Variants in VGLL3 observed in about 807,000 individuals in gnomAD.
VGLL3 encodes transcription cofactor vestigial-like protein 3.
A neutral mutation model predicts 29.2 loss-of-function variants in VGLL3; 18 were observed. That is an observed-to-expected ratio of 0.62 (90% CI 0.43 to 0.91). The LOEUF (loss-of-function observed/expected upper bound fraction) is 0.91, where lower values mean the gene tolerates loss of function less well. Among genes scored for constraint, VGLL3 ranks in the 40% least tolerant of loss-of-function variants. The pLI, the probability that VGLL3 is intolerant of heterozygous loss-of-function variation, is 0.00. For synonymous variants in VGLL3, 180 were observed against 151.8 expected, an observed-to-expected ratio of 1.19 and a Z score of -1.36; for missense variants, 440 against 413.2, an observed-to-expected ratio of 1.06 and a Z score of -0.56.
intron 3 of VGLL3, among the ~76,000 whole-genome samples, chr3:86,955,927 C>T (rs1048958843): frequency 6.6e-6 from 1 of 152,154 alleles, no homozygotes; most frequent in African/African-American, 2.4e-5. Flanking sequence ...TAAAAAATAC[C>T]TAGCATATTT....
intron 2 of VGLL3, among the ~76,000 whole-genome samples, chr3:86,969,968 G>A (rs1330766864): frequency 1.3e-5 from 2 of 152,210 alleles, no homozygotes; most frequent in East Asian, 3.9e-4. Context: ...AATGGCCAAT[G>A]GCTGGGCCTC....
Position 86,990,764 on chromosome 3 carries a change from C to T in VGLL3, c.-21G>A. 2 of 1,291,080 alleles carry T rather than the reference C, an allele frequency of 1.5e-6. No individual in the cohort carries two copies. Among genetic ancestry groups the T allele is most frequent in the South Asian group, 3.2e-5 (1 of 31,716 alleles). The allele number at this position is 1,291,080 out of a possible 1,614,324, so 80.0% of individuals were successfully genotyped here. A position where few individuals can be genotyped will look rare whatever the true frequency, so the allele number is the denominator to read the frequency against. On this transcript the variant is annotated 5_prime_UTR_variant, in exon 1 of 4. Transcript: ENST00000398399. ...CTCATGGCAGCCGGGGCAGTGGCGG[C>T]CCCCGAGCTGCCGCCGCCGCTCTAC...
At chr3:86,964,913 A>G (rs1704926662) in intron 3 of VGLL3, among the ~76,000 whole-genome samples, 1 of 152,158 alleles carries the variant, frequency 6.6e-6, no homozygotes, top group African/African-American at 2.4e-5. Context: ...TAATCCCAGC[A>G]CTTTGGGAGG....
chr3:86,957,292 C>A (rs1293830230), intron 3 of VGLL3, among the ~76,000 whole-genome samples: 1 of 152,178 alleles, frequency 6.6e-6, no homozygotes, highest in African/African-American at 2.4e-5. Flanking sequence ...TTAACTGTAA[C>A]AAGTATCACA....
Position 86,978,623 on chromosome 3 carries a change from C to T in VGLL3, c.306G>A (p.Val102=). The part of the protein sequence containing the change: ...TYFQGDIGSV[V]DEHFSRALGQ... ...CCAAAGCTCTTGAGAAGTGTTCATCCACTACTGACCCAATGTCTCCCTGGA... is the reference window on the plus strand; with the variant it reads ...CCAAAGCTCTTGAGAAGTGTTCATCTACTACTGACCCAATGTCTCCCTGGA... Residue 102 remains valine (V), a synonymous_variant, in exon 2 of 4, where the codon GTG becomes GTA. Coordinates refer to ENST00000398399, the MANE Select transcript of VGLL3 (RefSeq NM_016206.4). 2 of 1,614,130 alleles carry T rather than the reference C, an allele frequency of 1.2e-6. No individual in the cohort carries two copies. The highest frequency in any genetic ancestry group is 1.6e-4 in the Middle Eastern group (1 of 6,062).
chr3:86,959,988 G>A (rs1704804708), intron 3 of VGLL3, among the ~76,000 whole-genome samples: 1 of 151,990 alleles, frequency 6.6e-6, no homozygotes, highest in Non-Finnish European at 1.5e-5. Flanking sequence ...CTCTCCATTT[G>A]CTTCTCTAGT....
chr3:86,972,384 A>T (rs1399556978), intron 2 of VGLL3, among the ~76,000 whole-genome samples: 1 of 152,066 alleles, frequency 6.6e-6, no homozygotes, highest in Non-Finnish European at 1.5e-5. Flanking sequence ...GCAGCCCTTT[A>T]AAAAAAACCT....
In VGLL3 at chr3:86,990,657, G is replaced by A; in HGVS notation, c.87C>T (p.Pro29=). The A allele has an allele frequency of 1.4e-6, 2 of 1,400,032 alleles. No individual in the cohort carries two copies. The highest frequency in any genetic ancestry group is 1.9e-5 in the South Asian group (1 of 51,736). 86.7% of individuals were successfully genotyped at this position (1,400,032 alleles called of 1,614,324 possible). A position where few individuals can be genotyped will look rare whatever the true frequency, so the allele number is the denominator to read the frequency against. Residue 29 remains proline, a synonymous_variant, in exon 1 of 4, where the codon CCC becomes CCT. Coordinates refer to ENST00000398399, the MANE Select transcript of VGLL3 (RefSeq NM_016206.4). ...LPNPMAATTC[P]TAYYQPAPQP... is the part of the protein sequence containing the mutation. ...GGGGCGCCGGCTGATAGTAGGCTGT[G>A]GGGCAGGTTGTCGCTGCCATGGGGT...
intron 3 of VGLL3, among the ~76,000 whole-genome samples, chr3:86,948,772 T>C (rs556830312): frequency 6.6e-5 from 10 of 152,120 alleles, no homozygotes; most frequent in African/African-American, 1.9e-4. Context: ...TCCTTTCCCA[T>C]TTCGAAAGAA....
At chr3:86,966,629 G>A (rs1275020955) in intron 3 of VGLL3, among the ~76,000 whole-genome samples, 1 of 151,220 alleles carries the variant, frequency 6.6e-6, no homozygotes, top group Non-Finnish European at 1.5e-5. Flanking sequence ...AGAGGGACAC[G>A]TCTTAGTTCA....
At chr3:86,990,251 CCAT>C in intron 1 of VGLL3, 1 of 951,604 alleles carries the variant, frequency 1.1e-6, no homozygotes, top group Non-Finnish European at 1.3e-6. Context: ...CTGAAACATT[CCAT>C]CTTTCCAAAT....
chr3:86,981,057 G>A (rs1290290767), intron 1 of VGLL3, among the ~76,000 whole-genome samples: 1 of 152,056 alleles, frequency 6.6e-6, no homozygotes, highest in African/African-American at 2.4e-5. Context: ...TCCAAATAAA[G>A]TCAAAGTTTT....
chr3:86,959,272 T>TA (rs1412685917), intron 3 of VGLL3, among the ~76,000 whole-genome samples: 7 of 152,184 alleles, frequency 4.6e-5, no homozygotes, highest in African/African-American at 1.7e-4. Flanking sequence ...TGATTATAAG[T>TA]AAACTTTTAT....
chr3:86,964,352 A>G lies in VGLL3; in HGVS notation c.937+4238T>C, dbSNP rs568301482. 2.6e-5 allele frequency among the ~76,000 whole-genome samples: 4 copies of G among 152,330 alleles called. No homozygotes were observed. In the South Asian group the frequency reaches 6.2e-4, roughly 24 times the overall value. Reference sequence around the variant, plus strand: ...ATTTTGCTAACCCCTGGATTATGCCATACATGATATTATAAAACTTTCGTT... The same window carrying G: ...ATTTTGCTAACCCCTGGATTATGCCGTACATGATATTATAAAACTTTCGTT... On this transcript the variant is annotated intron_variant, in intron 3 of 3. Transcript: ENST00000398399.
intron 3 of VGLL3, among the ~76,000 whole-genome samples, chr3:86,959,952 A>C (rs58203052): frequency 0.022 from 3,316 of 152,154 alleles, 120 homozygotes; most frequent in African/African-American, 0.068. Flanking sequence ...AAATAGATCT[A>C]TCTCTCTTTC....
Position 86,978,768 on chromosome 3 carries a change from G to C in VGLL3, c.161C>G (p.Ser54Cys). The change falls in exon 2 of 4, where the codon TCT (serine) becomes TGT (cysteine). Residue 54 changes from serine to cysteine, a missense_variant. Coordinates refer to ENST00000398399, the MANE Select transcript of VGLL3 (RefSeq NM_016206.4). ...TTTGCTGGGAAGGGTGACTTCCAGA[G>C]AGTCCTGCATCTTGCTGAATACCGC... ...KLAVFSKMQD[S>C]LEVTLPSKQE... 6.2e-7 allele frequency: 1 copy of C among 1,613,252 alleles called. No individual in the cohort carries two copies. The highest frequency in any genetic ancestry group is 8.5e-7 in the Non-Finnish European group (1 of 1,179,580).
intron 1 of VGLL3, among the ~76,000 whole-genome samples, chr3:86,983,505 C>T (rs566299086): frequency 5.3e-5 from 8 of 152,270 alleles, no homozygotes; most frequent in Non-Finnish European, 1.2e-4. Flanking sequence ...GATTATCTCA[C>T]TTCAACTGGG....
chr3:86,963,058 G>C, intron 3 of VGLL3: 1 of 202,396 alleles, frequency 4.9e-6, no homozygotes, highest in Non-Finnish European at 1.1e-5. Context: ...TCTCGCCATT[G>C]CACTCCAGCC....
intron 1 of VGLL3, among the ~76,000 whole-genome samples, chr3:86,984,631 T>C (rs1402950496): frequency 2.6e-5 from 4 of 152,286 alleles, no homozygotes; most frequent in African/African-American, 9.6e-5. Flanking sequence ...ATAATTCTAT[T>C]ACTAGACTTA....
Sources: allele counts gnomAD v4.1 joint callset (sites outside exome capture counted in the v4.1 genomes callset), GRCh38; gene constraint gnomAD v4.1.1; transcripts MANE v1.5; gene names NCBI Gene and HGNC (gene_info 2026-07-23, HGNC 2026-07-21).